The following LRRCC1 variants were observed in gnomAD, a reference collection of about 807,000 sequenced individuals.
The protein encoded by LRRCC1 is leucine-rich repeat and coiled-coil domain-containing protein 1.
LRRCC1 carries 115 observed loss-of-function variants against 126.0 expected under a neutral mutation model. That is an observed-to-expected ratio of 0.91 (90% CI 0.78 to 1.07). The LOEUF is 1.07. Among genes scored for constraint, LRRCC1 ranks in the 50% least tolerant of loss-of-function variants. The pLI is 0.00. For missense variants in LRRCC1, 1,172 were observed against 1,175.7 expected (o/e 1.00, Z 0.05); for synonymous variants, 400 against 393.4 (o/e 1.02, Z -0.20).
intron 17 of LRRCC1, among the ~76,000 whole-genome samples, chr8:85,139,728 C>A (rs1355484579): frequency 6.6e-6 from 1 of 152,144 alleles, no homozygotes; most frequent in Non-Finnish European, 1.5e-5. Context: ...AATTAAGTAG[C>A]ACAGCTTAAT....
intron 9 of LRRCC1, among the ~76,000 whole-genome samples, chr8:85,128,609 C>T (rs1810199204): frequency 6.6e-6 from 1 of 151,996 alleles, no homozygotes; most frequent in East Asian, 1.9e-4. Flanking sequence ...TTATCCAAAC[C>T]TCCTTGATGA....
At chr8:85,136,078 C>T in intron 14 of LRRCC1, 115 bp downstream of exon 14, 1 of 847,910 alleles carries the variant, frequency 1.2e-6, no homozygotes, top group Non-Finnish European at 1.6e-6. Context: ...AAAAGGTGAC[C>T]CTTTATCTGG....
chr8:85,141,477 C>A lies in LRRCC1; in HGVS notation c.2936C>A (p.Ala979Asp). The change falls in exon 18 of 19, where the codon GCC (alanine) becomes GAC (aspartate). Residue 979 changes from alanine to aspartate, a missense_variant. Ala to Asp is a moderately radical substitution (Grantham distance 126, BLOSUM62 -2). Coordinates refer to ENST00000360375, the MANE Select transcript of LRRCC1 (RefSeq NM_033402.5). ...CATCAAGCTGAAATAGCACAGCTGGCCAATGAAAAGCAGAAGTGTATTGAT... is the reference window on the plus strand; with the variant it reads ...CATCAAGCTGAAATAGCACAGCTGGACAATGAAAAGCAGAAGTGTATTGAT... The part of the protein sequence containing the change: ...EAHQAEIAQL[A>D]NEKQKCIDSA... 6.2e-7 allele frequency: 1 copy of A among 1,612,426 alleles called. No homozygotes were observed. The highest frequency in any genetic ancestry group is 8.5e-7 in the Non-Finnish European group (1 of 1,179,152).
rs369833810 is a variant in LRRCC1 at position 85,129,998 on chromosome 8, G to T, written c.1706G>T (p.Arg569Leu). Residue 569 changes from arginine to leucine, a missense_variant, in exon 11 of 19, where the codon CGA (arginine) becomes CTA (leucine). Arg to Leu is a moderately radical substitution (Grantham distance 102). Coordinates refer to ENST00000360375, the MANE Select transcript of LRRCC1 (RefSeq NM_033402.5). ...TACTTACTTAGAACTTCCCTTCATCGAGAAAGAGAACAAGCGCAACAACTT... is the reference window on the plus strand; with the variant it reads ...TACTTACTTAGAACTTCCCTTCATCTAGAAAGAGAACAAGCGCAACAACTT... ...EIYLLRTSLH[R>L]EREQAQQLHQ... 6.9e-6 allele frequency: 11 copies of T among 1,601,208 alleles called. No homozygotes were observed. The highest frequency in any genetic ancestry group is 9.4e-6 in the Non-Finnish European group (11 of 1,175,500).
In LRRCC1 at chr8:85,129,949, G is replaced by A. The variant is rs1810320511; in HGVS notation, c.1657G>A (p.Ala553Thr). 1.3e-6 allele frequency: 2 copies of A among 1,591,950 alleles called. No individual in the cohort carries two copies. The change falls in exon 11 of 19, where the codon GCT becomes ACT. Residue 553 changes from alanine to threonine, a missense_variant. Physicochemically the swap from Ala to Thr is moderately conservative, Grantham distance 58. Transcript: ENST00000360375. ...ACTGATCCAAGAGGTGGAACTCAAA[G>A]CTTCAGCTGCCGATAGAGAAATATA... ...IRLIQEVELK[A>T]SAADREIYLL...
At chr8:85,110,760 A>C (rs1291237152) in intron 3 of LRRCC1, among the ~76,000 whole-genome samples, 1 of 152,222 alleles carries the variant, frequency 6.6e-6, no homozygotes, top group African/African-American at 2.4e-5. Context: ...TCTGTAATAT[A>C]GCTAAGGAGA....
intron 18 of LRRCC1, among the ~76,000 whole-genome samples, chr8:85,141,845 T>G (rs1587451514): frequency 6.6e-6 from 1 of 152,292 alleles, no homozygotes; most frequent in East Asian, 1.9e-4. Context: ...AATCTGAAGG[T>G]ATTAAACATA....
chr8:85,121,223 T>C (rs1207107020), intron 6 of LRRCC1, among the ~76,000 whole-genome samples: 5 of 152,198 alleles, frequency 3.3e-5, no homozygotes, highest in Non-Finnish European at 5.9e-5. Context: ...AGAAGAAAAG[T>C]GAGTCTTGTT....
chr8:85,143,044 G>T (rs765909340), intron 18 of LRRCC1, among the ~76,000 whole-genome samples: 8 of 152,066 alleles, frequency 5.3e-5, no homozygotes, highest in Non-Finnish European at 1.0e-4. Context: ...CCAAATGCAG[G>T]CTGGGTGCAG....
At position 85,131,648 on chromosome 8, in the gene LRRCC1, A is replaced by C. The variant is rs180674072; in HGVS notation, c.1767-112A>C. ...TACTGCGTTTGAAAGTGAGAGGCTG[A>C]TACTGAATTAACAATACTGAATATA... On this transcript the variant is annotated intron_variant, in intron 11 of 18. Coordinates refer to ENST00000360375, the MANE Select transcript of LRRCC1 (RefSeq NM_033402.5). 167 of 766,606 alleles carry C rather than the reference A, an allele frequency of 2.2e-4. No homozygotes were observed. The African/African-American group carries it at 2.7e-3, about 12-fold the overall frequency. The allele number at this position is 766,606 out of a possible 1,614,324, so 47.5% of individuals were successfully genotyped here. A position where few individuals can be genotyped will look rare whatever the true frequency, so the allele number is the denominator to read the frequency against.
At chr8:85,132,375 C>CTTTTTTTTTTTTTTTTTTTTTT (rs551423793) in intron 12 of LRRCC1, among the ~76,000 whole-genome samples, 5 of 109,962 alleles carry the variant, frequency 4.5e-5, no homozygotes, top group African/African-American at 7.2e-5. Context: ...TGAGTACTTT[C>CTTTTTTTTTTTTTTTTTTTTTT]TTTTTTTTTT....
At chr8:85,117,602 C>A (rs922971674) in intron 6 of LRRCC1, among the ~76,000 whole-genome samples, 2 of 152,026 alleles carry the variant, frequency 1.3e-5, no homozygotes, top group Non-Finnish European at 2.9e-5. Context: ...TCATAATTAA[C>A]CCTGCCGAAC....
At chr8:85,117,425 C>G (rs1232734401) in intron 6 of LRRCC1, among the ~76,000 whole-genome samples, 1 of 152,234 alleles carries the variant, frequency 6.6e-6, no homozygotes, top group Non-Finnish European at 1.5e-5. Context: ...ACTTCTTGTT[C>G]ACTGTCTTAC....
In LRRCC1 at chr8:85,110,139, C is replaced by T; in HGVS notation, c.335C>T (p.Thr112Ile). 7.6e-7 allele frequency: 1 copy of T among 1,309,496 alleles called. No homozygotes were observed. The highest frequency in any genetic ancestry group is 2.3e-5 in the Admixed American group (1 of 44,074). The allele number at this position is 1,309,496 out of a possible 1,614,324, so 81.1% of individuals were successfully genotyped here. Reference protein sequence around the residue: ...VEGLEELINLTRLNVSYNHID... With the variant: ...VEGLEELINLIRLNVSYNHID... Reference sequence around the variant, plus strand: ...GGACTTGAAGAACTAATTAATCTGACTAGACTAAATGTATCTTATAACCAC... The same window carrying T: ...GGACTTGAAGAACTAATTAATCTGATTAGACTAAATGTATCTTATAACCAC... Residue 112 changes from threonine to isoleucine, a missense_variant, in exon 3 of 19, where the codon ACT (threonine) becomes ATT (isoleucine). Transcript: ENST00000360375.
At chr8:85,121,749 T>A (rs149463619) in intron 6 of LRRCC1, among the ~76,000 whole-genome samples, 1 of 152,214 alleles carries the variant, frequency 6.6e-6, no homozygotes, top group Non-Finnish European at 1.5e-5. Context: ...GGTTTTTTAG[T>A]CACAATTCTC....
intron 17 of LRRCC1, 29 bp from the exon 18 acceptor site, chr8:85,141,353 A>G: frequency 6.4e-7 from 1 of 1,572,280 alleles, no homozygotes; most frequent in East Asian, 2.2e-5. Context: ...ATATACACAT[A>G]TATATGTGGA....
chr8:85,112,842 C>T (rs1808827024), intron 3 of LRRCC1, 90 bp from the exon 4 acceptor site: 2 of 934,262 alleles, frequency 2.1e-6, no homozygotes, highest in East Asian at 5.4e-5. Context: ...CCGTTTGCCT[C>T]TAAAAGTATA....
intron 4 of LRRCC1, 47 bp downstream of exon 4, chr8:85,113,146 G>A: frequency 6.9e-7 from 1 of 1,447,320 alleles, no homozygotes; most frequent in South Asian, 1.3e-5. Flanking sequence ...AATATTGAGA[G>A]CTTCTTTATT....
chr8:85,109,198 T>A (rs972824719), intron 1 of LRRCC1: 4 of 172,296 alleles, frequency 2.3e-5, no homozygotes, highest in African/African-American at 9.4e-5. Flanking sequence ...GTAAGAAAAC[T>A]GAGGCTCAGG....
Sources: gnomAD v4.1 joint callset for allele counts (sites outside exome capture counted in the v4.1 genomes callset) on GRCh38, gnomAD v4.1.1 for gene constraint, MANE v1.5 for transcripts, NCBI Gene and HGNC (gene_info 2026-07-23, HGNC 2026-07-21) for gene names.